Variants in KLRG1 observed in about 807,000 individuals in gnomAD.
KLRG1 encodes the protein killer cell lectin like receptor G1.
In KLRG1, 16 loss-of-function variants were observed where a neutral mutation model predicts 21.8. That is an observed-to-expected ratio of 0.73 (90% CI 0.50 to 1.11). The LOEUF (loss-of-function observed/expected upper bound fraction) is 1.11, where lower values mean the gene tolerates loss of function less well. KLRG1 is among the 50% of genes most tolerant of loss of function. KLRG1 has a pLI of 0.00. For synonymous variants in KLRG1, 69 were observed against 75.9 expected (o/e 0.91, Z 0.47); for missense variants, 173 against 218.3 (o/e 0.79, Z 1.31).
intron 1 of KLRG1, among the ~76,000 whole-genome samples, chr12:8,984,405 T>C (rs1946808901): frequency 1.3e-5 from 2 of 152,030 alleles, no homozygotes; most frequent in Non-Finnish European, 2.9e-5. Context: ...GGTTTCACCA[T>C]GTTGGCCAGG....
intron 1 of KLRG1, among the ~76,000 whole-genome samples, chr12:8,967,310 A>G (rs1045532881): frequency 6.6e-6 from 1 of 152,170 alleles, no homozygotes; most frequent in Admixed American, 6.5e-5. Flanking sequence ...AGTTGTGCAT[A>G]TGTACCCTAA....
chr12:9,171,734 G>C, the KLRG1 span, among the ~76,000 whole-genome samples: 1 of 152,178 alleles, frequency 6.6e-6, no homozygotes, highest in Non-Finnish European at 1.5e-5. Flanking sequence ...GAGGAGGAAA[G>C]AATCTCAGAG....
the KLRG1 span, chr12:9,197,187 C>G: frequency 9.4e-7 from 1 of 1,068,376 alleles, no homozygotes. Flanking sequence ...TACCACTCCT[C>G]CACAGAACTG....
At chr12:9,189,556 CA>C in the KLRG1 span, among the ~76,000 whole-genome samples, 6 of 152,144 alleles carry the variant, frequency 3.9e-5, no homozygotes, top group Non-Finnish European at 8.8e-5. Flanking sequence ...ACAACCTAGG[CA>C]ATACCATTCT....
At chr12:8,997,361 T>A (rs905023747) in intron 3 of KLRG1, among the ~76,000 whole-genome samples, 16 of 152,196 alleles carry the variant, frequency 1.1e-4, no homozygotes, top group Admixed American at 7.9e-4. Context: ...AGAACCAAAT[T>A]GATTTTACGT....
the KLRG1 span, chr12:9,165,050 C>CCT: frequency 1.4e-5 from 21 of 1,454,984 alleles, no homozygotes; most frequent in East Asian, 4.3e-4. Context: ...CTTGAATTAT[C>CCT]CTTAGTCTCA....
chr12:8,982,111 A>G (rs1464169704), intron 1 of KLRG1, among the ~76,000 whole-genome samples: 1 of 152,220 alleles, frequency 6.6e-6, no homozygotes, highest in Non-Finnish European at 1.5e-5. Context: ...ATGTTACCTT[A>G]TATGACAGAT....
the KLRG1 span, among the ~76,000 whole-genome samples, chr12:9,136,624 G>C: frequency 6.6e-6 from 1 of 152,160 alleles, no homozygotes; most frequent in African/African-American, 2.4e-5. Context: ...CATAGCAGTT[G>C]CACCATTTTG....
chr12:9,175,656 A>G, the KLRG1 span, among the ~76,000 whole-genome samples: 1 of 152,232 alleles, frequency 6.6e-6, no homozygotes. Context: ...GGACATGAAC[A>G]GACAATTCTC....
chr12:9,034,631 A>G, the KLRG1 span, among the ~76,000 whole-genome samples: 1 of 152,102 alleles, frequency 6.6e-6, no homozygotes, highest in Non-Finnish European at 1.5e-5. Context: ...TATTTTTAGT[A>G]GAGACGGGTT....
the KLRG1 span, among the ~76,000 whole-genome samples, chr12:9,061,425 A>G: frequency 6.6e-6 from 1 of 152,132 alleles, no homozygotes; most frequent in African/African-American, 2.4e-5. Context: ...GCACCTGGCC[A>G]TTGTGCCTGG....
chr12:9,211,955 A>G, the KLRG1 span, among the ~76,000 whole-genome samples: 1 of 152,180 alleles, frequency 6.6e-6, no homozygotes, highest in African/African-American at 2.4e-5. Flanking sequence ...GACCTTGGTC[A>G]GTAGGTCTGG....
the KLRG1 span, among the ~76,000 whole-genome samples, chr12:9,026,816 T>C: frequency 6.6e-6 from 1 of 152,146 alleles, no homozygotes; most frequent in Non-Finnish European, 1.5e-5. Flanking sequence ...AGTGTTTTTT[T>C]CCTTCTATTC....
At chr12:9,204,080 G>T in the KLRG1 span, 1 of 927,180 alleles carries the variant, frequency 1.1e-6, no homozygotes, top group Non-Finnish European at 1.6e-6. Context: ...AATGGACTAA[G>T]TCAATGGAGG....
chr12:9,028,842 C>T, the KLRG1 span: 9 of 639,712 alleles, frequency 1.4e-5, no homozygotes, highest in South Asian at 2.7e-5. Context: ...TTTGGTTCCA[C>T]AAATCTTCCA....
chr12:9,052,937 AT>A, the KLRG1 span: 2 of 411,150 alleles, frequency 4.9e-6, no homozygotes, highest in Non-Finnish European at 9.4e-6. Context: ...GTGCTTCTAC[AT>A]TTTTTTAATC....
chr12:9,162,318 T>C, the KLRG1 span: 1 of 328,052 alleles, frequency 3.0e-6, no homozygotes, highest in Non-Finnish European at 5.5e-6. Flanking sequence ...CAGCTGGGCT[T>C]GTCAGTGAGC....
At chr12:9,157,799 T>C in the KLRG1 span, 6 of 1,614,058 alleles carry the variant, frequency 3.7e-6, no homozygotes, top group South Asian at 6.6e-5. Context: ...AGAAGGGCAA[T>C]AGTAACATAG....
At chr12:9,045,417 CATG>C in the KLRG1 span, among the ~76,000 whole-genome samples, 3 of 152,118 alleles carry the variant, frequency 2.0e-5, no homozygotes, top group South Asian at 2.1e-4. Flanking sequence ...CATAAAACCT[CATG>C]ATAACTTACT....
Sources: allele counts gnomAD v4.1 joint callset (sites outside exome capture counted in the v4.1 genomes callset), GRCh38; gene constraint gnomAD v4.1.1; transcripts MANE v1.5; gene names NCBI Gene and HGNC (gene_info 2026-07-23, HGNC 2026-07-21).